The following RAP1A variants were observed in gnomAD, a reference collection of about 807,000 sequenced individuals.
The protein encoded by RAP1A is ras-related protein Rap-1A.
RAP1A carries 6 observed loss-of-function variants against 26.4 expected under a neutral mutation model. The observed-to-expected ratio is 0.23, with a 90% confidence interval of 0.12 to 0.45. RAP1A has a LOEUF of 0.45. Ranked by LOEUF, RAP1A falls within the 20% of genes least tolerant of loss-of-function variation. RAP1A has a pLI of 0.99. For synonymous variants in RAP1A, 73 were observed against 79.4 expected, an observed-to-expected ratio of 0.92 and a Z score of 0.43; for missense variants, 121 against 217.2, an observed-to-expected ratio of 0.56 and a Z score of 2.78.
At chr1:111,607,412 T>C (rs1476202523) in intron 1 of RAP1A, among the ~76,000 whole-genome samples, 1 of 152,174 alleles carries the variant, frequency 6.6e-6, no homozygotes, top group Non-Finnish European at 1.5e-5. Context: ...TGTCTACCTC[T>C]TTCTACACAG....
At chr1:111,590,113 AGCT>A (rs1319831106) in intron 1 of RAP1A, among the ~76,000 whole-genome samples, 1 of 152,028 alleles carries the variant, frequency 6.6e-6, no homozygotes, top group Non-Finnish European at 1.5e-5. Context: ...ATTGGGACAC[AGCT>A]GATTTTTGCA....
At chr1:111,712,087 A>G (rs1277799988) in intron 7 of RAP1A, among the ~76,000 whole-genome samples, 1 of 152,162 alleles carries the variant, frequency 6.6e-6, no homozygotes, top group Non-Finnish European at 1.5e-5. Context: ...TAAGATGGTA[A>G]TGAGATAGAA....
chr1:111,586,152 C>T (rs1658360913), intron 1 of RAP1A, among the ~76,000 whole-genome samples: 1 of 152,186 alleles, frequency 6.6e-6, no homozygotes, highest in Non-Finnish European at 1.5e-5. Context: ...CAAATTCATG[C>T]CCCACTATGT....
At chr1:111,648,118 T>A (rs1660129515) in intron 1 of RAP1A, among the ~76,000 whole-genome samples, 1 of 152,012 alleles carries the variant, frequency 6.6e-6, no homozygotes, top group Non-Finnish European at 1.5e-5. Context: ...TTGCCCAGGC[T>A]GGAGTGCAGT....
At chr1:111,706,162 A>G (rs1662185527) in intron 6 of RAP1A, among the ~76,000 whole-genome samples, 1 of 152,222 alleles carries the variant, frequency 6.6e-6, no homozygotes, top group African/African-American at 2.4e-5. Flanking sequence ...CATCTCAAGA[A>G]TCTTTACTTT....
intron 1 of RAP1A, among the ~76,000 whole-genome samples, chr1:111,677,565 A>T (rs1661167003): frequency 6.6e-6 from 1 of 152,308 alleles, no homozygotes; most frequent in Middle Eastern, 3.4e-3. Context: ...TAAAATCAAG[A>T]TAAGCTTCAA....
At chr1:111,700,683 A>C (rs1661992914) in intron 4 of RAP1A, among the ~76,000 whole-genome samples, 2 of 152,208 alleles carry the variant, frequency 1.3e-5, no homozygotes, top group African/African-American at 2.4e-5. Context: ...TCTTATAAGC[A>C]TCTCAAATAT....
At chr1:111,685,494 A>T (rs947192904) in intron 1 of RAP1A, among the ~76,000 whole-genome samples, 1 of 152,230 alleles carries the variant, frequency 6.6e-6, no homozygotes, top group Non-Finnish European at 1.5e-5. Context: ...AAAAGAAGAC[A>T]TTTATGCAGC....
intron 1 of RAP1A, among the ~76,000 whole-genome samples, chr1:111,627,157 T>G (rs1435881909): frequency 1.3e-5 from 2 of 152,184 alleles, no homozygotes; most frequent in Non-Finnish European, 2.9e-5. Flanking sequence ...AAATGTTAAG[T>G]GTAAAGAATA....
At chr1:111,698,886 C>T (rs1363215593) in intron 4 of RAP1A, among the ~76,000 whole-genome samples, 2 of 151,962 alleles carry the variant, frequency 1.3e-5, no homozygotes, top group Non-Finnish European at 2.9e-5. Flanking sequence ...GCTTCTGAAT[C>T]AGCAGAATTC....
At chr1:111,581,200 C>T (rs746498334) in intron 1 of RAP1A, among the ~76,000 whole-genome samples, 3 of 151,284 alleles carry the variant, frequency 2.0e-5, no homozygotes, top group Admixed American at 6.6e-5. Context: ...TGATGGGAGA[C>T]GGTTTTGTGG....
chr1:111,666,737 G>T (rs1028037651), intron 1 of RAP1A, among the ~76,000 whole-genome samples: 3 of 152,186 alleles, frequency 2.0e-5, no homozygotes, highest in Non-Finnish European at 2.9e-5. Flanking sequence ...ACTCAAAGGG[G>T]TCAGGGAAGC....
chr1:111,566,351 C>G (rs1408465525), intron 1 of RAP1A, among the ~76,000 whole-genome samples: 1 of 152,132 alleles, frequency 6.6e-6, no homozygotes, highest in Non-Finnish European at 1.5e-5. Flanking sequence ...GTTGGCTAGA[C>G]TTGTCATTGG....
At chr1:111,603,085 T>G (rs1658702442) in intron 1 of RAP1A, among the ~76,000 whole-genome samples, 1 of 152,182 alleles carries the variant, frequency 6.6e-6, no homozygotes, top group Non-Finnish European at 1.5e-5. Context: ...ACCTACCCCA[T>G]TCTCTTCAAC....
At chr1:111,546,435 C>T (rs1421801969) in intron 1 of RAP1A, among the ~76,000 whole-genome samples, 1 of 152,138 alleles carries the variant, frequency 6.6e-6, no homozygotes, top group Non-Finnish European at 1.5e-5. Flanking sequence ...CTTCCTCTCC[C>T]AGCCTTTGGG....
intron 1 of RAP1A, among the ~76,000 whole-genome samples, chr1:111,687,629 GTATT>G (rs1426359397): frequency 6.6e-6 from 1 of 152,022 alleles, no homozygotes; most frequent in Non-Finnish European, 1.5e-5. Flanking sequence ...AGGACCTTAA[GTATT>G]CTATTTCTCT....
At chr1:111,619,674 G>C (rs12072080), upstream of RAP1A, 53,231 of 391,530 alleles carry the variant, frequency 0.14, 4,007 homozygotes, top group African/African-American at 0.2. Flanking sequence ...GCGGACTCCG[G>C]AACGCCGTGG....
intron 1 of RAP1A, among the ~76,000 whole-genome samples, chr1:111,559,778 C>T (rs1468697109): frequency 1.3e-5 from 2 of 152,144 alleles, no homozygotes; most frequent in Admixed American, 1.3e-4. Flanking sequence ...TGGCTAAAAG[C>T]CATAACATGA....
intron 1 of RAP1A, among the ~76,000 whole-genome samples, chr1:111,545,729 C>T (rs1657011968): frequency 6.6e-6 from 1 of 152,064 alleles, no homozygotes. Flanking sequence ...ACACCTGTTT[C>T]CTTTGAAAAG....
Sources: allele counts gnomAD v4.1 joint callset (sites outside exome capture counted in the v4.1 genomes callset), GRCh38; gene constraint gnomAD v4.1.1; transcripts MANE v1.5; gene names NCBI Gene and HGNC (gene_info 2026-07-23, HGNC 2026-07-21).